HLCS: variants seen among roughly 807,000 people sequenced by gnomAD.
HLCS encodes holocarboxylase synthetase, also known as biotin--protein ligase.
HLCS carries 53 observed loss-of-function variants against 75.0 expected under a neutral mutation model. That is an observed-to-expected ratio of 0.71 (90% CI 0.57 to 0.89). The LOEUF is 0.89. Ranked by LOEUF, HLCS falls within the 40% of genes least tolerant of loss-of-function variation. HLCS has a pLI of 0.00. For missense variants in HLCS, 966 were observed against 1,074.0 expected (o/e 0.90, Z 1.41); for synonymous variants, 431 against 428.6 (o/e 1.01, Z -0.07).
At chr21:36,929,133 A>C (rs1389928929) in intron 5 of HLCS, among the ~76,000 whole-genome samples, 1 of 152,108 alleles carries the variant, frequency 6.6e-6, no homozygotes, top group Non-Finnish European at 1.5e-5. Context: ...GGGCAGGGCC[A>C]CTCTTCCTAT....
intron 6 of HLCS, among the ~76,000 whole-genome samples, chr21:36,893,814 G>A (rs1040867100): frequency 2.6e-5 from 4 of 152,158 alleles, no homozygotes; most frequent in African/African-American, 2.4e-5. Context: ...CCCGGGGGTC[G>A]GGGATCCCTG....
intron 6 of HLCS, among the ~76,000 whole-genome samples, chr21:36,778,952 G>A (rs115878430): frequency 1.9e-3 from 291 of 152,234 alleles, no homozygotes; most frequent in Middle Eastern, 0.01. Flanking sequence ...TGGAATCAGC[G>A]ATTTCTCCAA....
intron 2 of HLCS, among the ~76,000 whole-genome samples, chr21:36,959,900 C>T (rs1285939193): frequency 6.6e-6 from 1 of 152,204 alleles, no homozygotes; most frequent in African/African-American, 2.4e-5. Flanking sequence ...TGTCCCCGTA[C>T]TCACTACATT....
intron 4 of HLCS, 77 bp from the exon 5 acceptor site, chr21:36,930,510 C>CT (rs372165359): frequency 0.019 from 18,635 of 1,002,720 alleles, 5 homozygotes; most frequent in Non-Finnish European, 0.022. Flanking sequence ...TTTTCTTTTT[C>CT]TTTTTTTTTT....
At chr21:36,799,202 G>T (rs1201931852) in intron 6 of HLCS, among the ~76,000 whole-genome samples, 1 of 152,154 alleles carries the variant, frequency 6.6e-6, no homozygotes, top group African/African-American at 2.4e-5. Context: ...ATGGTGTCAT[G>T]TAACAGTTGA....
At chr21:36,985,495 C>G (rs974458235) in intron 1 of HLCS, among the ~76,000 whole-genome samples, 3 of 151,966 alleles carry the variant, frequency 2.0e-5, no homozygotes, top group African/African-American at 7.3e-5. Flanking sequence ...TCGCTGGGCA[C>G]GGTGGCTCAC....
chr21:36,955,578 G>T (rs984439046), intron 2 of HLCS, among the ~76,000 whole-genome samples: 1 of 151,996 alleles, frequency 6.6e-6, no homozygotes, highest in Non-Finnish European at 1.5e-5. Flanking sequence ...GTTTTAAGCT[G>T]TTATTACGAA....
intron 5 of HLCS, among the ~76,000 whole-genome samples, chr21:36,910,581 AT>A (rs919440886): frequency 5.3e-5 from 8 of 150,176 alleles, no homozygotes; most frequent in Admixed American, 4.6e-4. Flanking sequence ...AAATAGGACT[AT>A]TTTTTTTTCC....
chr21:36,822,288 C>T (rs939391365), intron 6 of HLCS, among the ~76,000 whole-genome samples: 31 of 151,844 alleles, frequency 2.0e-4, no homozygotes, highest in Non-Finnish European at 2.9e-5. Context: ...GGCATGGTGG[C>T]GTGCACCTGT....
chr21:36,939,105 A>T, intron 2 of HLCS, 111 bp from the exon 3 acceptor site: 1 of 935,914 alleles, frequency 1.1e-6, no homozygotes, highest in South Asian at 1.7e-5. Flanking sequence ...ACTAAATTAC[A>T]GTCATTAATA....
intron 1 of HLCS, among the ~76,000 whole-genome samples, chr21:36,977,918 G>A (rs914809006): frequency 6.6e-6 from 1 of 152,228 alleles, no homozygotes; most frequent in Non-Finnish European, 1.5e-5. Context: ...GGGAATAGAA[G>A]GGCAACGCGC....
At chr21:36,939,428 A>G (rs1392170128) in intron 2 of HLCS, among the ~76,000 whole-genome samples, 2 of 152,324 alleles carry the variant, frequency 1.3e-5, no homozygotes, top group African/African-American at 4.8e-5. Context: ...CTGACCTCCC[A>G]GGGAGCACAT....
Position 36,903,352 on chromosome 21 carries a change from T to C in HLCS, c.1621-6221A>G, listed in dbSNP as rs1418926214. 2.0e-5 allele frequency among the ~76,000 whole-genome samples: 3 copies of C among 152,048 alleles called. No homozygotes were observed. In the South Asian group the frequency reaches 6.2e-4, roughly 32 times the overall value. On this transcript the variant is annotated intron_variant, in intron 5 of 10. Coordinates refer to ENST00000674895, the MANE Select transcript of HLCS (RefSeq NM_001352514.2). The stretch of plus-strand genomic sequence containing the variant: ...CATTAGTTATAACCAACTCTGCCCC[T>C]AAAACTTTGGTCAATGCCCTTAAAG...
intron 6 of HLCS, among the ~76,000 whole-genome samples, chr21:36,801,181 C>A (rs1239234413): frequency 6.6e-6 from 1 of 152,146 alleles, no homozygotes; most frequent in African/African-American, 2.4e-5. Context: ...CACTGGTAAG[C>A]CGTCAATGCC....
chr21:36,820,501 A>G (rs537020889), intron 6 of HLCS, among the ~76,000 whole-genome samples: 16 of 152,222 alleles, frequency 1.1e-4, no homozygotes, highest in Non-Finnish European at 2.1e-4. Flanking sequence ...ATTTCAGAGC[A>G]AAGTTGTGGC....
chr21:36,833,708 G>A (rs796684205), intron 6 of HLCS, among the ~76,000 whole-genome samples: 1 of 150,860 alleles, frequency 6.6e-6, no homozygotes, highest in African/African-American at 2.5e-5. Context: ...AGAGGATAAG[G>A]CATCAGTCAA....
At chr21:36,758,812 G>C (rs986911256) in intron 9 of HLCS, among the ~76,000 whole-genome samples, 2 of 151,956 alleles carry the variant, frequency 1.3e-5, no homozygotes, top group African/African-American at 2.4e-5. Flanking sequence ...GAAACCCTGT[G>C]TCTACTAAAA....
intron 6 of HLCS, among the ~76,000 whole-genome samples, chr21:36,809,084 C>T (rs1439510921): frequency 3.9e-5 from 6 of 151,908 alleles, no homozygotes; most frequent in African/African-American, 7.3e-5. Flanking sequence ...TGTGGTGGTT[C>T]GCACCTGTAG....
At chr21:36,889,088 C>T (rs1255965372) in intron 6 of HLCS, among the ~76,000 whole-genome samples, 1 of 152,156 alleles carries the variant, frequency 6.6e-6, no homozygotes, top group East Asian at 1.9e-4. Context: ...CTCTCCAGTG[C>T]CTAACACAGT....
Sources: gnomAD v4.1 joint callset for allele counts (sites outside exome capture counted in the v4.1 genomes callset) on GRCh38, gnomAD v4.1.1 for gene constraint, MANE v1.5 for transcripts, NCBI Gene and HGNC (gene_info 2026-07-23, HGNC 2026-07-21) for gene names.